The following KIRREL3 variants were observed in gnomAD, a reference collection of about 807,000 sequenced individuals.
KIRREL3 encodes kin of IRRE-like protein 3.
In KIRREL3, 36 loss-of-function variants were observed where a neutral mutation model predicts 89.7. The ratio of observed to expected loss-of-function variants is 0.40; its 90% CI spans 0.31 to 0.53. The LOEUF (loss-of-function observed/expected upper bound fraction) is 0.53. KIRREL3 is among the 20% of genes least tolerant of loss of function. The pLI is 0.49. For synonymous variants in KIRREL3, 445 were observed against 441.4 expected (o/e 1.01, Z -0.10); for missense variants, 864 against 1,056.6 (o/e 0.82, Z 2.53).
Position 126,817,547 on chromosome 11 carries a change from C to T in KIRREL3, c.55+182908G>A, listed in dbSNP as rs1260050340. Among the ~76,000 whole-genome samples, 1 of 152,190 alleles carries T rather than the reference C, an allele frequency of 6.6e-6. No homozygotes were observed. Among genetic ancestry groups the T allele is most frequent in the East Asian group, 1.9e-4 (1 of 5,190 alleles). On this transcript the variant is annotated intron_variant, in intron 1 of 16. Transcript: ENST00000525144. This position sits in a 1 kb window ranked among gnomAD's most constrained non-coding sequence, Gnocchi z 5.7. ...GTCCTCTGGTGTCCTATGGTTGGAA[C>T]CCCTGCTCGGTACTCCCTGTCCCAT...
In KIRREL3 at chr11:126,996,645, T is replaced by C. The variant is rs1483021783; in HGVS notation, c.55+3810A>G. Reference sequence around the variant, plus strand: ...ATTCCCTAGGAGATTCAGATCACCATGACCCTCTGCCCTCTGACAGCTGCT... The same window carrying C: ...ATTCCCTAGGAGATTCAGATCACCACGACCCTCTGCCCTCTGACAGCTGCT... On this transcript the variant is annotated intron_variant, in intron 1 of 16. Coordinates refer to ENST00000525144, the MANE Select transcript of KIRREL3 (RefSeq NM_032531.4). This position sits in a 1 kb window ranked among gnomAD's most constrained non-coding sequence, Gnocchi z 4.7. Among the ~76,000 whole-genome samples the C allele has an allele frequency of 6.6e-6, 1 of 152,188 alleles. No homozygotes were observed. The highest frequency in any genetic ancestry group is 6.5e-5 in the Admixed American group (1 of 15,282).
intron 1 of KIRREL3, among the ~76,000 whole-genome samples, chr11:126,932,274 A>G (rs1196382093): frequency 6.6e-6 from 1 of 152,186 alleles, no homozygotes. Flanking sequence ...TTCAAGGCTG[A>G]TTTCAAATAG....
In KIRREL3 at chr11:126,463,282, T is replaced by C; in HGVS notation, c.617A>G (p.Glu206Gly). ...SKTLLRDGKR[E>G]SIVSTLFISP... ...GATGAAGAGGGTGCTGACGATGCTC[T>C]CCCGCTTGCCGTCCCGAAGCAGGGT... The change falls in exon 6 of 17, where the codon GAG becomes GGG. Residue 206 changes from glutamate (E) to glycine (G), a missense_variant. Physicochemically the swap from Glu to Gly is moderately conservative, Grantham distance 98. Transcript: ENST00000525144. This position sits in a 1 kb window ranked among gnomAD's most constrained non-coding sequence, Gnocchi z 5.9. 6.2e-7 allele frequency: 1 copy of C among 1,613,496 alleles called. No individual in the cohort carries two copies. Among genetic ancestry groups the C allele is most frequent in the South Asian group, 1.1e-5 (1 of 91,020 alleles).
At chr11:126,838,880 A>G (rs145744245) in intron 1 of KIRREL3, among the ~76,000 whole-genome samples, 4 of 152,312 alleles carry the variant, frequency 2.6e-5, no homozygotes, top group African/African-American at 9.6e-5. Context: ...CAAAGTCTCC[A>G]AACAAATTCC....
In KIRREL3 at chr11:126,967,976, A is replaced by G. The variant is rs965826521; in HGVS notation, c.55+32479T>C. 2.4e-4 allele frequency among the ~76,000 whole-genome samples: 36 copies of G among 152,282 alleles called. 1 individual carries two copies. The highest frequency in any genetic ancestry group is 2.3e-3 in the Admixed American group (35 of 15,288). On this transcript the variant is annotated intron_variant, in intron 1 of 16. Coordinates refer to ENST00000525144, the MANE Select transcript of KIRREL3 (RefSeq NM_032531.4). Reference sequence around the variant, plus strand: ...AGAGGACAAACAACAGAATCCAGCCACCTGACTACCAGCCAAGCCCTATTT... The same window carrying G: ...AGAGGACAAACAACAGAATCCAGCCGCCTGACTACCAGCCAAGCCCTATTT...
At position 126,933,855 on chromosome 11, in the gene KIRREL3, TA is replaced by T. The variant is rs1416035352; in HGVS notation, c.55+66599del. On this transcript the variant is annotated intron_variant, in intron 1 of 16. Transcript: ENST00000525144. ...TGGAGAGACATTCCATTTTAATGGT[TA>T]AAAAATGTTAAGATGACAATTCTTC... is the stretch of plus-strand genomic sequence containing the variant. Among the ~76,000 whole-genome samples, 3 of 151,914 alleles carry T rather than the reference TA, an allele frequency of 2.0e-5. No homozygotes were observed. The East Asian group carries it at 5.8e-4, about 29-fold the overall frequency.
Position 126,427,986 on chromosome 11 carries a change from GA to G in KIRREL3, c.1806+1192del, listed in dbSNP as rs1282540592. Among the ~76,000 whole-genome samples, 1 of 152,192 alleles carries G rather than the reference GA, an allele frequency of 6.6e-6. No individual in the cohort carries two copies. The highest frequency in any genetic ancestry group is 2.4e-5 in the African/African-American group (1 of 41,454). ...TTGGAGAGAGAAAGCGTAGCCGAGG[GA>G]AAAGTCAGTTTGATTCAGTAAACGT... On this transcript the variant is annotated intron_variant, in intron 15 of 16. Transcript: ENST00000525144. The surrounding 1 kb of genome is among the most constrained non-coding windows in gnomAD (Gnocchi z 5.3).
chr11:126,803,748 A>G (rs1951113807), intron 1 of KIRREL3, among the ~76,000 whole-genome samples: 2 of 152,052 alleles, frequency 1.3e-5, no homozygotes, highest in African/African-American at 2.4e-5. Context: ...AACTCAGTAC[A>G]TGGGGTTTTT....
chr11:126,482,376 G>A (rs1398299182), intron 4 of KIRREL3, among the ~76,000 whole-genome samples: 2 of 152,204 alleles, frequency 1.3e-5, no homozygotes, highest in Non-Finnish European at 2.9e-5. Context: ...TGAAGGTCGG[G>A]CAGCTTGGGT....
At chr11:126,899,470 C>T (rs926205095) in intron 1 of KIRREL3, among the ~76,000 whole-genome samples, 23 of 152,306 alleles carry the variant, frequency 1.5e-4, no homozygotes, top group African/African-American at 5.3e-4. Context: ...AAGTCAGATG[C>T]AGAACACCGA....
At chr11:126,852,549 G>A (rs1003639833) in intron 1 of KIRREL3, among the ~76,000 whole-genome samples, 1 of 152,148 alleles carries the variant, frequency 6.6e-6, no homozygotes, top group Non-Finnish European at 1.5e-5. Context: ...AGTCCTCTGG[G>A]AAGGTCAACC....
intron 1 of KIRREL3, among the ~76,000 whole-genome samples, chr11:126,753,353 C>T (rs1220832272): frequency 6.6e-6 from 1 of 152,220 alleles, no homozygotes; most frequent in African/African-American, 2.4e-5. Flanking sequence ...GAGGGTGCTT[C>T]AGTTACTCCA....
At chr11:126,779,572 A>C (rs1437293458) in intron 1 of KIRREL3, among the ~76,000 whole-genome samples, 1 of 152,168 alleles carries the variant, frequency 6.6e-6, no homozygotes, top group African/African-American at 2.4e-5. Flanking sequence ...TTTTATGTGT[A>C]TATCTCCAGC....
rs1202970528 is a variant in KIRREL3 at position 126,531,433 on chromosome 11, C to A, written c.134-4746G>T. Among the ~76,000 whole-genome samples, 1 of 152,192 alleles carries A rather than the reference C, an allele frequency of 6.6e-6. No individual in the cohort carries two copies. Among genetic ancestry groups the A allele is most frequent in the Non-Finnish European group, 1.5e-5 (1 of 68,042 alleles). On this transcript the variant is annotated intron_variant, in intron 2 of 16. Coordinates refer to ENST00000525144, the MANE Select transcript of KIRREL3 (RefSeq NM_032531.4). The surrounding 1 kb of genome is among the most constrained non-coding windows in gnomAD (Gnocchi z 4.7). Reference sequence around the variant, plus strand: ...CCAACTTCCCATGCTGGATTCTAATCTCCAAAATCCAGCTCCTTTTCTTCC... The same window carrying A: ...CCAACTTCCCATGCTGGATTCTAATATCCAAAATCCAGCTCCTTTTCTTCC...
chr11:126,692,725 A>C (rs759805862), intron 1 of KIRREL3, among the ~76,000 whole-genome samples: 2 of 152,224 alleles, frequency 1.3e-5, no homozygotes, highest in Non-Finnish European at 1.5e-5. Flanking sequence ...ACGCTAAGTG[A>C]AACAAGCCAG....
chr11:126,831,774 G>A (rs1034569356), intron 1 of KIRREL3, among the ~76,000 whole-genome samples: 5 of 152,124 alleles, frequency 3.3e-5, no homozygotes, highest in Non-Finnish European at 7.4e-5. Context: ...TTCTATTAAA[G>A]CATGAACCCG....
intron 1 of KIRREL3, among the ~76,000 whole-genome samples, chr11:126,716,762 A>AGGC (rs1947983250): frequency 7.7e-6 from 1 of 129,830 alleles, no homozygotes; most frequent in African/African-American, 3.2e-5. Context: ...GGGGGGGGGA[A>AGGC]GTGTGGGGGA....
chr11:126,903,361 G>T lies in KIRREL3; in HGVS notation c.55+97094C>A, dbSNP rs969714594. 6.6e-6 allele frequency among the ~76,000 whole-genome samples: 1 copy of T among 152,014 alleles called. No individual in the cohort carries two copies. Among genetic ancestry groups the T allele is most frequent in the African/African-American group, 2.4e-5 (1 of 41,366 alleles). On this transcript the variant is annotated intron_variant, in intron 1 of 16. Coordinates refer to ENST00000525144, the MANE Select transcript of KIRREL3 (RefSeq NM_032531.4). This position sits in a 1 kb window ranked among gnomAD's most constrained non-coding sequence, Gnocchi z 4.5. ...ATCATAGTTGCACAATTATTAAAAA[G>T]AGGCCACTTAAATTCAACTCTCCAT...
intron 1 of KIRREL3, among the ~76,000 whole-genome samples, chr11:126,921,995 CTAT>C: frequency 6.8e-6 from 1 of 148,120 alleles, no homozygotes; most frequent in South Asian, 2.2e-4. Flanking sequence ...ATCTATCTAT[CTAT>C]CTATCTATCA....
Sources: allele counts gnomAD v4.1 joint callset (sites outside exome capture counted in the v4.1 genomes callset), GRCh38; gene constraint gnomAD v4.1.1; non-coding constraint Gnocchi (gnomAD v3.1); transcripts MANE v1.5; gene names NCBI Gene and HGNC (gene_info 2026-07-23, HGNC 2026-07-21).